GRK3: variants seen among roughly 807,000 people sequenced by gnomAD.
The protein encoded by GRK3 is adrenergic, beta, receptor kinase 2.
GRK3 carries 54 observed loss-of-function variants against 95.7 expected under a neutral mutation model. That is an observed-to-expected ratio of 0.56 (90% CI 0.45 to 0.71). The LOEUF (loss-of-function observed/expected upper bound fraction) is 0.71, where lower values mean the gene tolerates loss of function less well. Ranked by LOEUF, GRK3 falls within the 30% of genes least tolerant of loss-of-function variation. GRK3 has a pLI of 0.00. For missense variants in GRK3, 649 were observed against 851.2 expected (o/e 0.76, Z 2.96); for synonymous variants, 281 against 290.8 (o/e 0.97, Z 0.34).
At chr22:25,586,236 G>A (rs1485050604) in intron 1 of GRK3, among the ~76,000 whole-genome samples, 2 of 152,288 alleles carry the variant, frequency 1.3e-5, no homozygotes, top group African/African-American at 4.8e-5. Context: ...GTCTCTTCAA[G>A]GGTGGTGGGA....
chr22:25,629,585 G>A (rs888898291), intron 2 of GRK3, among the ~76,000 whole-genome samples: 4 of 152,312 alleles, frequency 2.6e-5, no homozygotes, highest in African/African-American at 9.6e-5. Context: ...ACTGTAAGTC[G>A]TAAGGGACAC....
intron 8 of GRK3, 53 bp from the exon 9 acceptor site, chr22:25,678,763 A>T (rs1386221936): frequency 1.8e-6 from 2 of 1,103,784 alleles, no homozygotes; most frequent in Admixed American, 4.4e-5. Flanking sequence ...TATTGTTTAA[A>T]TTAGTCTAGA....
intron 2 of GRK3, among the ~76,000 whole-genome samples, chr22:25,606,632 T>C (rs112922741): frequency 0.031 from 4,238 of 137,222 alleles, 78 homozygotes; most frequent in Middle Eastern, 0.08. Context: ...TCCTCTTGTT[T>C]TGTTTCACCC....
intron 3 of GRK3, among the ~76,000 whole-genome samples, chr22:25,657,994 C>T (rs928564424): frequency 2.0e-5 from 3 of 151,912 alleles, no homozygotes; most frequent in Admixed American, 2.0e-4. Flanking sequence ...TTTTCAGATA[C>T]TCTATTTTTT....
chr22:25,613,461 C>G (rs1461649559), intron 2 of GRK3, among the ~76,000 whole-genome samples: 1 of 145,104 alleles, frequency 6.9e-6, no homozygotes, highest in Non-Finnish European at 1.5e-5. Flanking sequence ...TAAAGAGGCA[C>G]GTAAACTTTC....
Position 25,723,847 on chromosome 22 carries a change from G to C in GRK3, c.*1397G>C, listed in dbSNP as rs2146480530. On this transcript the variant is annotated 3_prime_UTR_variant, in exon 21 of 21. Coordinates refer to ENST00000324198, the MANE Select transcript of GRK3 (RefSeq NM_005160.4). ...CAAATCTTTGTTTTTGTATTTGTTTGCTGTGTTCATGGGCAAAGTAAGTAC... is the reference window on the plus strand; with the variant it reads ...CAAATCTTTGTTTTTGTATTTGTTTCCTGTGTTCATGGGCAAAGTAAGTAC... The C allele has an allele frequency of 6.6e-6, 1 of 151,872 alleles. No individual in the cohort carries two copies. Among genetic ancestry groups the C allele is most frequent in the South Asian group, 2.1e-4 (1 of 4,796 alleles). 9.4% of individuals were successfully genotyped at this position (151,872 alleles called of 1,614,324 possible).
intron 1 of GRK3, among the ~76,000 whole-genome samples, chr22:25,578,725 A>C (rs1254072696): frequency 6.6e-6 from 1 of 152,110 alleles, no homozygotes; most frequent in Non-Finnish European, 1.5e-5. Context: ...AGCCTGTAGA[A>C]TCTGGAAAAG....
rs1019546633 is a variant in GRK3, at chr22:25,729,029, C to A, written c.*6579C>A. 1 of 152,094 alleles carries A rather than the reference C, an allele frequency of 6.6e-6. No individual in the cohort carries two copies. Among genetic ancestry groups the A allele is most frequent in the Non-Finnish European group, 1.5e-5 (1 of 68,014 alleles). The allele number at this position is 152,094 out of a possible 1,614,324, so 9.4% of individuals were successfully genotyped here. The stretch of plus-strand genomic sequence containing the variant: ...GATACTGTAAATCTAGATATTGTAC[C>A]TAGACAAAATATCATTGGTTCTATC... On this transcript the variant is annotated 3_prime_UTR_variant, in exon 21 of 21. Coordinates refer to ENST00000324198, the MANE Select transcript of GRK3 (RefSeq NM_005160.4).
At position 25,667,791 on chromosome 22, in the gene GRK3, T is replaced by G. The variant is rs762659935; in HGVS notation, c.494T>G (p.Phe165Cys). Residue 165 changes from phenylalanine to cysteine, a missense_variant, in exon 6 of 21, where the codon TTT becomes TGT. Coordinates refer to ENST00000324198, the MANE Select transcript of GRK3 (RefSeq NM_005160.4). ...CTTCGAGGTGACATTTTTCAAAAAT[T>G]TATGGAAAGGTATGAAACTTTATGC... ...ESLRGDIFQK[F>C]MESDKFTRFC... The G allele has an allele frequency of 6.2e-7, 1 of 1,606,052 alleles. No individual in the cohort carries two copies. Among genetic ancestry groups the G allele is most frequent in the Non-Finnish European group, 8.5e-7 (1 of 1,172,778 alleles).
At chr22:25,664,384 A>G (rs938362149) in intron 5 of GRK3, among the ~76,000 whole-genome samples, 1 of 152,180 alleles carries the variant, frequency 6.6e-6, no homozygotes, top group Non-Finnish European at 1.5e-5. Flanking sequence ...AGTGCTTTTC[A>G]TGTTTCTATA....
intron 15 of GRK3, among the ~76,000 whole-genome samples, chr22:25,708,628 C>T (rs946626325): frequency 2.6e-5 from 4 of 152,010 alleles, no homozygotes; most frequent in South Asian, 2.1e-4. Flanking sequence ...GAGTGCTCCT[C>T]CCCCATGCGG....
chr22:25,587,951 T>C (rs1223391319), intron 1 of GRK3, among the ~76,000 whole-genome samples: 1 of 152,238 alleles, frequency 6.6e-6, no homozygotes, highest in Non-Finnish European at 1.5e-5. Flanking sequence ...GTCTCGGGTA[T>C]GTCTTTACCA....
intron 2 of GRK3, among the ~76,000 whole-genome samples, chr22:25,616,527 C>T (rs2084540469): frequency 6.6e-6 from 1 of 152,186 alleles, no homozygotes; most frequent in African/African-American, 2.4e-5. Context: ...CACCAGGCCC[C>T]TCCTTCAACA....
intron 4 of GRK3, among the ~76,000 whole-genome samples, chr22:25,662,393 T>C (rs192505912): frequency 7.2e-5 from 11 of 152,356 alleles, no homozygotes; most frequent in Non-Finnish European, 1.5e-5. Flanking sequence ...CCTCAGTTCC[T>C]CATGAGCCAC....
chr22:25,607,712 G>A (rs983645233), intron 2 of GRK3, among the ~76,000 whole-genome samples: 6 of 151,934 alleles, frequency 3.9e-5, no homozygotes, highest in African/African-American at 9.7e-5. Context: ...GAGTGGCTGG[G>A]ATTACAGGTG....
intron 12 of GRK3, 43 bp downstream of exon 12, chr22:25,690,326 G>A: frequency 6.9e-7 from 1 of 1,456,582 alleles, no homozygotes; most frequent in Non-Finnish European, 9.6e-7. Context: ...TTTCTCTCCT[G>A]CCCTTTCAAA....
intron 2 of GRK3, among the ~76,000 whole-genome samples, chr22:25,643,189 C>T (rs1309389759): frequency 6.6e-6 from 1 of 152,214 alleles, no homozygotes; most frequent in East Asian, 1.9e-4. Context: ...TCCCATTTGC[C>T]TGCTTCTTGA....
intron 2 of GRK3, among the ~76,000 whole-genome samples, chr22:25,616,340 A>AG (rs918705311): frequency 6.6e-6 from 1 of 152,080 alleles, no homozygotes; most frequent in Non-Finnish European, 1.5e-5. Context: ...CAGAAGGCAA[A>AG]GGGGATGCAA....
chr22:25,703,652 T>C, intron 14 of GRK3, 76 bp downstream of exon 14: 1 of 1,128,088 alleles, frequency 8.9e-7, no homozygotes, highest in Non-Finnish European at 1.3e-6. Context: ...AAAAAAATGC[T>C]ATTACATAAA....
Sources: gnomAD v4.1 joint callset for allele counts (sites outside exome capture counted in the v4.1 genomes callset) on GRCh38, gnomAD v4.1.1 for gene constraint, MANE v1.5 for transcripts, NCBI Gene and HGNC (gene_info 2026-07-23, HGNC 2026-07-21) for gene names.